SORCS2: variants seen among roughly 807,000 people sequenced by gnomAD.
SORCS2 encodes the protein VPS10 domain-containing receptor SorCS2.
In SORCS2, 100 loss-of-function variants were observed where a neutral mutation model predicts 141.6. The observed-to-expected ratio is 0.71, with a 90% CI of 0.60 to 0.83. SORCS2 has a LOEUF of 0.83. Ranked by LOEUF, SORCS2 falls within the 40% of genes least tolerant of loss-of-function variation. SORCS2 has a pLI of 0.00. For synonymous variants in SORCS2, 789 were observed against 676.9 expected (o/e 1.17, Z -2.57); for missense variants, 1,646 against 1,560.2 (o/e 1.05, Z -0.93).
chr4:7,380,443 T>C (rs931002516), intron 1 of SORCS2, among the ~76,000 whole-genome samples: 8 of 148,266 alleles, frequency 5.4e-5, no homozygotes, highest in African/African-American at 1.5e-4. Flanking sequence ...TACTGGGGAC[T>C]GGTGAGGAAG....
At chr4:7,273,401 A>T (rs139408139) in intron 1 of SORCS2, among the ~76,000 whole-genome samples, 174 of 152,230 alleles carry the variant, frequency 1.1e-3, no homozygotes, top group African/African-American at 3.9e-3. Flanking sequence ...GCTGAAAGCC[A>T]CTTGCATCCA....
chr4:7,272,722 C>T (rs1311080489), intron 1 of SORCS2, among the ~76,000 whole-genome samples: 1 of 152,244 alleles, frequency 6.6e-6, no homozygotes, highest in East Asian at 1.9e-4. Flanking sequence ...TGCGAAGGAA[C>T]AATACCATCC....
intron 1 of SORCS2, among the ~76,000 whole-genome samples, chr4:7,227,559 G>A (rs1434279479): frequency 6.6e-6 from 1 of 152,162 alleles, no homozygotes; most frequent in Non-Finnish European, 1.5e-5. Flanking sequence ...AGGTGGCAGG[G>A]GGCACGTTGC....
rs753367185 is a variant in SORCS2 at position 7,718,083 on chromosome 4, GC to G, written c.2329del (p.Leu777SerfsTer36). On this transcript the variant is annotated frameshift_variant, in exon 18 of 27. Coordinates refer to ENST00000507866, the MANE Select transcript of SORCS2 (RefSeq NM_020777.3). LOFTEE classifies it high-confidence loss of function. ...CAGCAGAGTCAGGTGCAGCTGCAGT[GC>G]CCCCTCACGCCGCCCCGGGGCCTGC... ...DMQQSQVQLQ[C>X]PLTPPRGLQV... The G allele has an allele frequency of 1.7e-5, 27 of 1,611,532 alleles. No homozygotes were observed. Among genetic ancestry groups the G allele is most frequent in the Admixed American group, 1.0e-4 (6 of 59,754 alleles).
chr4:7,253,384 A>G (rs1713635756), intron 1 of SORCS2, among the ~76,000 whole-genome samples: 1 of 152,140 alleles, frequency 6.6e-6, no homozygotes, highest in South Asian at 2.1e-4. Flanking sequence ...TGACATATTC[A>G]GTTTATTCTG....
intron 10 of SORCS2, among the ~76,000 whole-genome samples, chr4:7,686,617 C>T (rs899900977): frequency 1.3e-5 from 2 of 152,234 alleles, no homozygotes; most frequent in African/African-American, 2.4e-5. Flanking sequence ...CAGAGGAAGC[C>T]CTGTCTCTGA....
At chr4:7,226,727 G>A (rs944651759) in intron 1 of SORCS2, among the ~76,000 whole-genome samples, 1 of 152,118 alleles carries the variant, frequency 6.6e-6, no homozygotes, top group Non-Finnish European at 1.5e-5. Flanking sequence ...GTGTGGAGCT[G>A]TCACTGTGCC....
chr4:7,497,617 T>G (rs1044937015), intron 2 of SORCS2, among the ~76,000 whole-genome samples: 1 of 152,252 alleles, frequency 6.6e-6, no homozygotes, highest in Non-Finnish European at 1.5e-5. Flanking sequence ...CCCTGCTGTA[T>G]GTTGAGCACC....
At chr4:7,351,437 A>G (rs1220902986) in intron 1 of SORCS2, among the ~76,000 whole-genome samples, 2 of 151,484 alleles carry the variant, frequency 1.3e-5, no homozygotes, top group Non-Finnish European at 2.9e-5. Context: ...TCTTCTCCAC[A>G]CTGTCTTCTT....
At chr4:7,641,430 G>T (rs1309251824) in intron 4 of SORCS2, among the ~76,000 whole-genome samples, 1 of 152,160 alleles carries the variant, frequency 6.6e-6, no homozygotes, top group Non-Finnish European at 1.5e-5. Flanking sequence ...CAGCATGGGG[G>T]AAACTGCCCC....
chr4:7,383,539 A>C (rs186119397), intron 1 of SORCS2, among the ~76,000 whole-genome samples: 1 of 152,180 alleles, frequency 6.6e-6, no homozygotes, highest in Admixed American at 6.5e-5. Flanking sequence ...GAGCCTGGGG[A>C]GGGATTTCTG....
chr4:7,698,923 G>C (rs1310463226), intron 12 of SORCS2, among the ~76,000 whole-genome samples: 2 of 152,166 alleles, frequency 1.3e-5, no homozygotes, highest in African/African-American at 2.4e-5. Flanking sequence ...TGGGACAGAG[G>C]CAGGGAGGGC....
chr4:7,304,177 G>A (rs573842018), intron 1 of SORCS2, among the ~76,000 whole-genome samples: 6 of 152,364 alleles, frequency 3.9e-5, no homozygotes, highest in East Asian at 1.9e-4. Context: ...CTGAGTCTTC[G>A]CTCTTTCCTT....
At chr4:7,373,458 T>TATATATGTATATA (rs60884163) in intron 1 of SORCS2, among the ~76,000 whole-genome samples, 1 of 82,832 alleles carries the variant, frequency 1.2e-5, no homozygotes, top group South Asian at 4.3e-4. Flanking sequence ...TGAGAAACTT[T>TATATATGTATATA]TATATATATA....
At chr4:7,724,126 G>GGTGGTGGTGGTGGTGGTGGTGATA (rs1726808629) in intron 19 of SORCS2, among the ~76,000 whole-genome samples, 1 of 139,002 alleles carries the variant, frequency 7.2e-6, no homozygotes, top group African/African-American at 3.0e-5. Context: ...TGGTGGTGGT[G>GGTGGTGGTGGTGGTGGTGGTGATA]GTGGTGGTGG....
rs533429529 is a variant in SORCS2, at chr4:7,198,432, G to C, written c.480+5306G>C. ...TCCAAGCTTGGGGTTTTGTATTTAA[G>C]TATGCTGAACTTGCTGTGCGTTACT... is the stretch of plus-strand genomic sequence containing the variant. On this transcript the variant is annotated intron_variant, in intron 1 of 26. Coordinates refer to ENST00000507866, the MANE Select transcript of SORCS2 (RefSeq NM_020777.3). 4.6e-5 allele frequency among the ~76,000 whole-genome samples: 7 copies of C among 152,338 alleles called. No individual in the cohort carries two copies. In the East Asian group the frequency reaches 1.2e-3, roughly 25 times the overall value.
intron 1 of SORCS2, among the ~76,000 whole-genome samples, chr4:7,293,393 A>C (rs1024928497): frequency 2.6e-5 from 4 of 151,880 alleles, no homozygotes; most frequent in Non-Finnish European, 5.9e-5. Context: ...TGTCATACAC[A>C]ATCTCACGAC....
At chr4:7,416,564 GCACA>G (rs58327073) in intron 2 of SORCS2, among the ~76,000 whole-genome samples, 44 of 151,874 alleles carry the variant, frequency 2.9e-4, no homozygotes, top group African/African-American at 1.0e-3. Context: ...ATGTGCACAT[GCACA>G]CACACACACA....
chr4:7,406,377 T>TTTA (rs1227734313), intron 2 of SORCS2, among the ~76,000 whole-genome samples: 2 of 151,324 alleles, frequency 1.3e-5, no homozygotes, highest in Non-Finnish European at 3.0e-5. Flanking sequence ...GCTTTTTTTT[T>TTTA]TTTGATAGGA....
Sources: allele counts gnomAD v4.1 joint callset (sites outside exome capture counted in the v4.1 genomes callset), GRCh38; gene constraint gnomAD v4.1.1; transcripts MANE v1.5; gene names NCBI Gene and HGNC (gene_info 2026-07-23, HGNC 2026-07-21).